The following POLN variants were observed in gnomAD, a reference collection of about 807,000 sequenced individuals.
POLN encodes the protein DNA polymerase nu, also known as DNA polymerase N.
POLN carries 108 observed loss-of-function variants against 113.5 expected under a neutral mutation model. That is an observed-to-expected ratio of 0.95 (90% CI 0.81 to 1.12). The LOEUF (loss-of-function observed/expected upper bound fraction) is 1.12, where lower values mean the gene tolerates loss of function less well. Ranked by LOEUF, POLN falls within the 50% of genes most tolerant of loss-of-function variation. POLN has a pLI of 0.00. For missense variants in POLN, 1,097 were observed against 1,077.1 expected, an observed-to-expected ratio of 1.02 and a Z score of -0.26; for synonymous variants, 386 against 391.5, an observed-to-expected ratio of 0.99 and a Z score of 0.17.
intron 3 of POLN, among the ~76,000 whole-genome samples, chr4:2,226,075 C>T (rs913139405): frequency 6.6e-6 from 1 of 152,174 alleles, no homozygotes; most frequent in Non-Finnish European, 1.5e-5. Flanking sequence ...TAAAGTCACT[C>T]AGGGGCCCAG....
At chr4:2,239,280 A>G (rs541808907) in intron 2 of POLN, among the ~76,000 whole-genome samples, 1 of 152,196 alleles carries the variant, frequency 6.6e-6, no homozygotes, top group African/African-American at 2.4e-5. Flanking sequence ...CGGCTACCAA[A>G]ATAGAGATCT....
chr4:2,188,557 C>T (rs1733341787), intron 7 of POLN, among the ~76,000 whole-genome samples: 2 of 151,652 alleles, frequency 1.3e-5, no homozygotes, highest in South Asian at 2.1e-4. Flanking sequence ...GCCGAGATTG[C>T]GCCACTGCAC....
At chr4:2,101,816 T>C (rs1355757397) in intron 19 of POLN, among the ~76,000 whole-genome samples, 1 of 152,162 alleles carries the variant, frequency 6.6e-6, no homozygotes, top group African/African-American at 2.4e-5. Context: ...CCACCATCGT[T>C]GAAAGTAGGC....
At chr4:2,123,942 G>A (rs892856248) in intron 19 of POLN, among the ~76,000 whole-genome samples, 8 of 151,842 alleles carry the variant, frequency 5.3e-5, no homozygotes, top group South Asian at 2.1e-4. Context: ...ATAAATACAC[G>A]GATTATTTGC....
intron 11 of POLN, 53 bp from the exon 12 acceptor site, chr4:2,171,234 A>G: frequency 2.0e-6 from 3 of 1,521,094 alleles, no homozygotes; most frequent in Non-Finnish European, 2.7e-6. Flanking sequence ...ACAATTTAAG[A>G]TTGTTTAATT....
At chr4:2,109,205 G>A (rs548321092) in intron 19 of POLN, among the ~76,000 whole-genome samples, 5 of 152,218 alleles carry the variant, frequency 3.3e-5, no homozygotes, top group Non-Finnish European at 7.4e-5. Flanking sequence ...AAAACAAAAG[G>A]AACCTCTGAA....
At chr4:2,187,960 A>T (rs7691069) in intron 7 of POLN, among the ~76,000 whole-genome samples, 37,615 of 151,630 alleles carry the variant, frequency 0.25, 7,200 homozygotes, top group African/African-American at 0.52. Flanking sequence ...AAATAAAAAT[A>T]AAAAAATTAT....
chr4:2,095,610 G>A (rs35863256), intron 20 of POLN, among the ~76,000 whole-genome samples: 99 of 152,334 alleles, frequency 6.5e-4, no homozygotes, highest in African/African-American at 2.1e-3. Flanking sequence ...TGGAGCCAAC[G>A]GCTTGGTCAC....
At chr4:2,192,730 A>G (rs928559662) in intron 7 of POLN, among the ~76,000 whole-genome samples, 2 of 151,914 alleles carry the variant, frequency 1.3e-5, no homozygotes, top group African/African-American at 4.8e-5. Flanking sequence ...CACTTTGGGA[A>G]GCTGAGACAG....
intron 17 of POLN, among the ~76,000 whole-genome samples, chr4:2,129,790 A>T (rs576812172): frequency 6.6e-6 from 1 of 152,278 alleles, no homozygotes; most frequent in East Asian, 1.9e-4. Context: ...AATGAAGAAA[A>T]GAAAAAGTCA....
At chr4:2,110,096 C>T (rs531483486) in intron 19 of POLN, among the ~76,000 whole-genome samples, 9 of 152,240 alleles carry the variant, frequency 5.9e-5, no homozygotes, top group South Asian at 4.2e-4. Context: ...CACTCAAAAC[C>T]GCTCAACTAC....
chr4:2,200,754 C>A (rs1237134791), intron 5 of POLN, among the ~76,000 whole-genome samples: 1 of 152,066 alleles, frequency 6.6e-6, no homozygotes, highest in Non-Finnish European at 1.5e-5. Context: ...CAGAGCCTAC[C>A]CAAATGAGAA....
rs754585500 is a variant in POLN, at chr4:2,072,957, T to C, written c.2517+11A>G. On this transcript the variant is annotated intron_variant, in intron 25 of 25. Transcript: ENST00000511885. Reference sequence around the variant, plus strand: ...CTCCGGAAGACCGGGCAGGCTTAAGTGTCCCCTCACCTGAAGCTGCAGCTC... The same window carrying C: ...CTCCGGAAGACCGGGCAGGCTTAAGCGTCCCCTCACCTGAAGCTGCAGCTC... 6.2e-7 allele frequency: 1 copy of C among 1,612,666 alleles called. No homozygotes were observed. The highest frequency in any genetic ancestry group is 8.5e-7 in the Non-Finnish European group (1 of 1,179,728).
At chr4:2,173,808 T>C (rs1372451328) in intron 11 of POLN, 147 bp downstream of exon 11, 2 of 775,962 alleles carry the variant, frequency 2.6e-6, no homozygotes, top group Admixed American at 4.3e-5. Context: ...GGTTCTCCCC[T>C]GCAGGCGTCA....
chr4:2,157,580 G>T (rs1357673135), intron 15 of POLN, among the ~76,000 whole-genome samples: 1 of 151,906 alleles, frequency 6.6e-6, no homozygotes, highest in Non-Finnish European at 1.5e-5. Context: ...AAAATTAGCT[G>T]GGCGTGGTGG....
intron 18 of POLN, among the ~76,000 whole-genome samples, chr4:2,128,668 C>CG (rs1731646388): frequency 2.3e-5 from 1 of 42,804 alleles, no homozygotes; most frequent in South Asian, 6.6e-4. Flanking sequence ...AGACAAAGCA[C>CG]GGGGGCAGGG....
At chr4:2,239,149 G>C in intron 2 of POLN, 3 of 552,558 alleles carry the variant, frequency 5.4e-6, no homozygotes, top group Non-Finnish European at 9.0e-6. Flanking sequence ...TAAGCTCAAT[G>C]AATGAAAACT....
chr4:2,093,567 C>T lies in POLN; in HGVS notation c.2065+2284G>A, dbSNP rs993012642. On this transcript the variant is annotated intron_variant, in intron 20 of 25. Coordinates refer to ENST00000511885, the MANE Select transcript of POLN (RefSeq NM_181808.4). This position sits in a 1 kb window ranked among gnomAD's most constrained non-coding sequence, Gnocchi z 4.1. The stretch of plus-strand genomic sequence containing the variant: ...CAGGACTGGGGAGGTGATGTCCTGC[C>T]GGCAGAGCAGAAGCAAATGTTATGT... 2.6e-5 allele frequency among the ~76,000 whole-genome samples: 4 copies of T among 152,132 alleles called. No homozygotes were observed. Among genetic ancestry groups the T allele is most frequent in the Non-Finnish European group, 4.4e-5 (3 of 68,036 alleles).
At chr4:2,214,876 C>A (rs1206086585) in intron 3 of POLN, among the ~76,000 whole-genome samples, 1 of 150,000 alleles carries the variant, frequency 6.7e-6, no homozygotes, top group Non-Finnish European at 1.5e-5. Flanking sequence ...TATACACACA[C>A]ACATATACAC....
Sources: allele counts gnomAD v4.1 joint callset (sites outside exome capture counted in the v4.1 genomes callset), GRCh38; gene constraint gnomAD v4.1.1; non-coding constraint Gnocchi (gnomAD v3.1); transcripts MANE v1.5; gene names NCBI Gene and HGNC (gene_info 2026-07-23, HGNC 2026-07-21).